Variants in KIRREL3 observed in about 807,000 individuals in gnomAD.
KIRREL3 encodes the protein kin of IRRE-like protein 3.
Under a neutral mutation model 89.7 loss-of-function variants are expected in KIRREL3, and 36 were observed. That is an observed-to-expected ratio of 0.40 (90% CI 0.31 to 0.53). The LOEUF (loss-of-function observed/expected upper bound fraction) is 0.53, where lower values mean the gene tolerates loss of function less well. Ranked by LOEUF, KIRREL3 falls within the 20% of genes least tolerant of loss-of-function variation. The pLI is 0.49. For missense variants in KIRREL3, 864 were observed against 1,056.6 expected, an observed-to-expected ratio of 0.82 and a Z score of 2.53; for synonymous variants, 445 against 441.4, an observed-to-expected ratio of 1.01 and a Z score of -0.10.
At chr11:126,718,948 C>T (rs1948069066) in intron 1 of KIRREL3, among the ~76,000 whole-genome samples, 1 of 152,298 alleles carries the variant, frequency 6.6e-6, no homozygotes, top group African/African-American at 2.4e-5. Flanking sequence ...ACCTTTGTCT[C>T]CTTTCCCTCC....
rs879542117 is a variant in KIRREL3 at position 126,995,069 on chromosome 11, T to C, written c.55+5386A>G. 4.6e-5 allele frequency: 18 copies of C among 389,058 alleles called. No homozygotes were observed. The highest frequency in any genetic ancestry group is 8.7e-5 in the Non-Finnish European group (17 of 196,234). 24.1% of individuals were successfully genotyped at this position (389,058 alleles called of 1,614,324 possible). ...ACTGGAAATAAAAATCCCACTCTAC[T>C]TGGAATACAGGATGAAGCGATTACA... On this transcript the variant is annotated intron_variant, in intron 1 of 16. Coordinates refer to ENST00000525144, the MANE Select transcript of KIRREL3 (RefSeq NM_032531.4). This position sits in a 1 kb window ranked among gnomAD's most constrained non-coding sequence, Gnocchi z 6.5.
At position 126,783,001 on chromosome 11, in the gene KIRREL3, G is replaced by T. The variant is rs1234781081; in HGVS notation, c.55+217454C>A. Among the ~76,000 whole-genome samples the T allele has an allele frequency of 6.6e-6, 1 of 152,214 alleles. No individual in the cohort carries two copies. Among genetic ancestry groups the T allele is most frequent in the East Asian group, 1.9e-4 (1 of 5,196 alleles). On this transcript the variant is annotated intron_variant, in intron 1 of 16. Transcript: ENST00000525144. The surrounding 1 kb of genome is among the most constrained non-coding windows in gnomAD (Gnocchi z 4.3). Reference sequence around the variant, plus strand: ...TACACAAGATGAACTGGAGCATCTTGTAGTGCCAGAAAATAAGGAAGTGCT... The same window carrying T: ...TACACAAGATGAACTGGAGCATCTTTTAGTGCCAGAAAATAAGGAAGTGCT...
Position 126,635,967 on chromosome 11 carries a change from G to T in KIRREL3, c.56-73055C>A, listed in dbSNP as rs1003876017. Among the ~76,000 whole-genome samples the T allele has an allele frequency of 6.6e-6, 1 of 152,202 alleles. No individual in the cohort carries two copies. Among genetic ancestry groups the T allele is most frequent in the Admixed American group, 6.5e-5 (1 of 15,284 alleles). On this transcript the variant is annotated intron_variant, in intron 1 of 16. Transcript: ENST00000525144. This position sits in a 1 kb window ranked among gnomAD's most constrained non-coding sequence, Gnocchi z 4.0. ...CAGGGCCAGCAGGCCTACAGGTAGC[G>T]GGAGGGATCAGTGGAGGAAGCGACG... is the stretch of plus-strand genomic sequence containing the variant.
chr11:126,907,039 A>G (rs1946616736), intron 1 of KIRREL3, among the ~76,000 whole-genome samples: 1 of 152,198 alleles, frequency 6.6e-6, no homozygotes, highest in African/African-American at 2.4e-5. Context: ...ATGTCAACCC[A>G]TTCCTCATGG....
chr11:126,626,840 T>G (rs1293292158), intron 1 of KIRREL3, among the ~76,000 whole-genome samples: 1 of 152,038 alleles, frequency 6.6e-6, no homozygotes, highest in Non-Finnish European at 1.5e-5. Context: ...ACCCCATGTT[T>G]CTACTAAAAA....
intron 7 of KIRREL3, among the ~76,000 whole-genome samples, chr11:126,456,039 G>GTTTTTTTTTTTTTTTTTTTTTTT (rs745805898): frequency 1.5e-5 from 1 of 68,312 alleles, no homozygotes; most frequent in East Asian, 4.1e-4. Flanking sequence ...TTTTGTTTTC[G>GTTTTTTTTTTTTTTTTTTTTTTT]TTTTTTTTTT....
In KIRREL3 at chr11:126,753,270, T is replaced by A. The variant is rs370344585; in HGVS notation, c.56-190358A>T. Among the ~76,000 whole-genome samples, 192 of 152,288 alleles carry A rather than the reference T, an allele frequency of 1.3e-3. 2 individuals are homozygous for A. In the South Asian group the frequency reaches 0.038, roughly 30 times the overall value. Reference sequence around the variant, plus strand: ...CCTGGCTCAGAGCAGACAGAGCATCTGGAGCTGCCTCAGAGGGGCTCCATG... The same window carrying A: ...CCTGGCTCAGAGCAGACAGAGCATCAGGAGCTGCCTCAGAGGGGCTCCATG... On this transcript the variant is annotated intron_variant, in intron 1 of 16. Transcript: ENST00000525144.
chr11:126,431,649 A>T lies in KIRREL3; in HGVS notation c.1589-123T>A. 3 of 977,914 alleles carry T rather than the reference A, an allele frequency of 3.1e-6. No homozygotes were observed. Among genetic ancestry groups the T allele is most frequent in the Non-Finnish European group, 4.6e-6 (3 of 654,574 alleles). 60.6% of individuals were successfully genotyped at this position (977,914 alleles called of 1,614,324 possible). A position where few individuals can be genotyped will look rare whatever the true frequency, so the allele number is the denominator to read the frequency against. ...ATGGGGCCCTCCTGGGAAATGCCTC[A>T]GTGGGGCCTGGGCAGGCACAGGCCG... On this transcript the variant is annotated intron_variant, in intron 13 of 16. Transcript: ENST00000525144. This position sits in a 1 kb window ranked among gnomAD's most constrained non-coding sequence, Gnocchi z 7.1.
chr11:126,522,414 G>A lies in KIRREL3; in HGVS notation c.284-950C>T, dbSNP rs1305627218. 6.6e-6 allele frequency among the ~76,000 whole-genome samples: 1 copy of A among 152,176 alleles called. No individual in the cohort carries two copies. The highest frequency in any genetic ancestry group is 2.4e-5 in the African/African-American group (1 of 41,434). On this transcript the variant is annotated intron_variant, in intron 3 of 16. Transcript: ENST00000525144. This position sits in a 1 kb window ranked among gnomAD's most constrained non-coding sequence, Gnocchi z 6.0. ...CCCTTCCAGTGTCTAGGAACCTTGGGTCACTTTGAGTCACAGTGGACCCTG... is the reference window on the plus strand; with the variant it reads ...CCCTTCCAGTGTCTAGGAACCTTGGATCACTTTGAGTCACAGTGGACCCTG...
chr11:126,863,226 G>GGAC (rs1944760648), intron 1 of KIRREL3, among the ~76,000 whole-genome samples: 1 of 152,236 alleles, frequency 6.6e-6, no homozygotes, highest in Non-Finnish European at 1.5e-5. Context: ...GAAGACTGGA[G>GGAC]GACTGCTCAG....
At chr11:126,681,831 G>A (rs771188550) in intron 1 of KIRREL3, 15 of 451,410 alleles carry the variant, frequency 3.3e-5, no homozygotes, top group Middle Eastern at 3.3e-4. Context: ...AGGAATCTGC[G>A]TTTCAGAATC....
intron 1 of KIRREL3, among the ~76,000 whole-genome samples, chr11:126,828,110 T>A (rs1279729482): frequency 6.6e-6 from 1 of 152,210 alleles, no homozygotes; most frequent in African/African-American, 2.4e-5. Context: ...GTGCATGACA[T>A]ATGGTAAATA....
Position 126,594,759 on chromosome 11 carries a change from A to G in KIRREL3, c.56-31847T>C, listed in dbSNP as rs1001484269. Among the ~76,000 whole-genome samples the G allele has an allele frequency of 1.3e-5, 2 of 152,238 alleles. No individual in the cohort carries two copies. The highest frequency in any genetic ancestry group is 4.8e-5 in the African/African-American group (2 of 41,462). On this transcript the variant is annotated intron_variant, in intron 1 of 16. Coordinates refer to ENST00000525144, the MANE Select transcript of KIRREL3 (RefSeq NM_032531.4). The surrounding 1 kb of genome is among the most constrained non-coding windows in gnomAD (Gnocchi z 5.0). ...TCATAGAAAGGCAGAGACACTGAAT[A>G]GAACATAGAAGGGGTTGTTTTCCTA...
At chr11:126,438,410 T>A (rs1327316395) in intron 11 of KIRREL3, among the ~76,000 whole-genome samples, 10 of 152,216 alleles carry the variant, frequency 6.6e-5, no homozygotes, top group Middle Eastern at 6.3e-3. Context: ...GCTGCTATTG[T>A]CACGCTGGAC....
chr11:126,447,950 C>A (rs1955886747), intron 8 of KIRREL3, among the ~76,000 whole-genome samples: 1 of 152,180 alleles, frequency 6.6e-6, no homozygotes, highest in South Asian at 2.1e-4. Context: ...TAGTCCATGG[C>A]AGTGCGCTGC....
rs539746668 is a variant in KIRREL3 at position 126,996,363 on chromosome 11, C to T, written c.55+4092G>A. ...AGTGTTTCCAAAGTTGCTGTTCACTCCCCACTTTGTTTGCTGATTCCTTCT... is the reference window on the plus strand; with the variant it reads ...AGTGTTTCCAAAGTTGCTGTTCACTTCCCACTTTGTTTGCTGATTCCTTCT... On this transcript the variant is annotated intron_variant, in intron 1 of 16. Transcript: ENST00000525144. This position sits in a 1 kb window ranked among gnomAD's most constrained non-coding sequence, Gnocchi z 4.7. Among the ~76,000 whole-genome samples, 1 of 152,290 alleles carries T rather than the reference C, an allele frequency of 6.6e-6. No individual in the cohort carries two copies. The highest frequency in any genetic ancestry group is 1.5e-5 in the Non-Finnish European group (1 of 68,020).
chr11:126,549,119 A>T (rs1026443080), intron 2 of KIRREL3, among the ~76,000 whole-genome samples: 1 of 152,218 alleles, frequency 6.6e-6, no homozygotes. Flanking sequence ...GATGGGGACT[A>T]TTCCATTGCT....
rs1270260242 is a variant in KIRREL3, at chr11:126,441,291, T to C, written c.1253-742A>G. ...AGAGTGTGGCACATGTTTATGGGTG[T>C]CAGGTTCTGAGAGCGCCTGTCTCAT... On this transcript the variant is annotated intron_variant, in intron 10 of 16. Coordinates refer to ENST00000525144, the MANE Select transcript of KIRREL3 (RefSeq NM_032531.4). This position sits in a 1 kb window ranked among gnomAD's most constrained non-coding sequence, Gnocchi z 5.0. Among the ~76,000 whole-genome samples the C allele has an allele frequency of 6.6e-6, 1 of 152,224 alleles. No individual in the cohort carries two copies. The highest frequency in any genetic ancestry group is 1.5e-5 in the Non-Finnish European group (1 of 68,032).
intron 1 of KIRREL3, among the ~76,000 whole-genome samples, chr11:126,979,622 A>G (rs1252102993): frequency 2.6e-5 from 4 of 152,212 alleles, no homozygotes. Flanking sequence ...TCTATTATCC[A>G]CTAGAGAGAT....
Sources: gnomAD v4.1 joint callset for allele counts (sites outside exome capture counted in the v4.1 genomes callset) on GRCh38, gnomAD v4.1.1 for gene constraint, Gnocchi (gnomAD v3.1) non-coding constraint, MANE v1.5 for transcripts, NCBI Gene and HGNC (gene_info 2026-07-23, HGNC 2026-07-21) for gene names.